BRF1: variants seen among roughly 807,000 people sequenced by gnomAD.
BRF1 encodes BRF1 general transcription factor IIIB subunit, also known as transcription factor IIIB 90 kDa subunit.
In BRF1, 59 loss-of-function variants were observed where a neutral mutation model predicts 81.7. The ratio of observed to expected loss-of-function variants is 0.72; its 90% confidence interval spans 0.59 to 0.90. The LOEUF is 0.90. Among genes scored for constraint, BRF1 ranks in the 40% least tolerant of loss-of-function variants. The pLI is 0.00. For synonymous variants in BRF1, 491 were observed against 395.6 expected (o/e 1.24, Z -2.86); for missense variants, 1,050 against 936.3 (o/e 1.12, Z -1.58).
At chr14:105,304,885 C>T (rs2058141195), upstream of BRF1, among the ~76,000 whole-genome samples, 1 of 152,322 alleles carries the variant, frequency 6.6e-6, no homozygotes, top group South Asian at 2.1e-4. Flanking sequence ...ACGGGAAAGA[C>T]CTGCCCCCAT....
Position 105,226,644 on chromosome 14 carries a change from C to T in BRF1, c.905G>A (p.Arg302Gln), listed in dbSNP as rs145340613. The T allele has an allele frequency of 6.8e-6, 11 of 1,613,126 alleles. No individual in the cohort carries two copies. The highest frequency in any genetic ancestry group is 5.0e-5 in the Admixed American group (3 of 59,998). ...CAAAGCCGGCGCTACCTGCTTCATC[C>T]GCAGCTTCCTCTGCCCAGCTGTGTA... ...PSYTAGQRKLRMKQLEQVLSK... is the reference protein window; with the variant it reads ...PSYTAGQRKLQMKQLEQVLSK... Residue 302 changes from arginine to glutamine, a missense_variant, in exon 8 of 18, where the codon CGG becomes CAG. Around this residue, in one of 2 missense-constraint regions of BRF1, gnomAD observed 1,043 missense variants for 915.4 expected, o/e 1.14. Coordinates refer to ENST00000547530, the MANE Select transcript of BRF1 (RefSeq NM_001519.4).
chr14:105,291,992 C>T (rs987296089), intron 1 of BRF1, among the ~76,000 whole-genome samples: 4 of 151,950 alleles, frequency 2.6e-5, no homozygotes, highest in Admixed American at 6.6e-5. Flanking sequence ...GAGAGACACT[C>T]CATCTCAAAA....
At chr14:105,211,327 C>G in intron 16 of BRF1, 34 bp from the exon 17 acceptor site, 1 of 1,540,322 alleles carries the variant, frequency 6.5e-7, no homozygotes, top group Non-Finnish European at 8.7e-7. Flanking sequence ...ACACACAGAG[C>G]TGGGAGCCCT....
At chr14:105,211,065 C>T (rs1595224039) in intron 17 of BRF1, 57 bp downstream of exon 17, 1 of 1,594,418 alleles carries the variant, frequency 6.3e-7, no homozygotes, top group Non-Finnish European at 8.5e-7. Context: ...TCATGAGGGG[C>T]AGTAGCTGAT....
intron 5 of BRF1, chr14:105,252,290 C>A (rs1373986445): frequency 1.2e-6 from 1 of 827,418 alleles, no homozygotes; most frequent in Non-Finnish European, 1.5e-6. Context: ...CAGTGAGCTA[C>A]GATTGTGCCA....
rs912176791 is a variant in BRF1, at chr14:105,209,913, G to C, written c.*638C>G. ...TCCAGGCGGTGCAGGCAGCGGGGAG[G>C]GGGGTCTGGAGGAGGCAGGGGTGGG... is the stretch of plus-strand genomic sequence containing the variant. On this transcript the variant is annotated 3_prime_UTR_variant, in exon 18 of 18. Coordinates refer to ENST00000547530, the MANE Select transcript of BRF1 (RefSeq NM_001519.4). 2 of 394,974 alleles carry C rather than the reference G, an allele frequency of 5.1e-6. No homozygotes were observed. Among genetic ancestry groups the C allele is most frequent in the Non-Finnish European group, 9.0e-6 (2 of 222,996 alleles). The allele number at this position is 394,974 out of a possible 1,614,324, so 24.5% of individuals were successfully genotyped here.
intron 16 of BRF1, 38 bp downstream of exon 16, chr14:105,212,075 C>T: frequency 5.6e-6 from 9 of 1,607,684 alleles, no homozygotes; most frequent in African/African-American, 1.3e-5. Context: ...GGGCTGCCTC[C>T]CAAGGTCTCC....
rs587775140 is a variant in BRF1 at position 105,240,941 on chromosome 14, C to T, written c.694+324G>A. On this transcript the variant is annotated intron_variant, in intron 6 of 17. Transcript: ENST00000547530. ...CAGGAGAGAGAGGCCACACCACTGT[C>T]CGCGTCAGAAGCCGGGCCCCACGAG... Among the ~76,000 whole-genome samples, 123 of 152,314 alleles carry T rather than the reference C, an allele frequency of 8.1e-4. 1 individual carries two copies. Among genetic ancestry groups the T allele is most frequent in the African/African-American group, 2.8e-3 (117 of 41,562 alleles).
At chr14:105,227,855 CCA>C (rs1354179353) in intron 7 of BRF1, 1 of 152,208 alleles carries the variant, frequency 6.6e-6, no homozygotes, top group Non-Finnish European at 1.5e-5. Flanking sequence ...TTGGAAAATG[CCA>C]CAGGACACAA....
intron 4 of BRF1, among the ~76,000 whole-genome samples, chr14:105,253,036 C>A (rs1034892629): frequency 2.6e-5 from 4 of 152,230 alleles, no homozygotes; most frequent in Non-Finnish European, 4.4e-5. Context: ...ACTCCCCTGC[C>A]CCCCACACTG....
intron 1 of BRF1, among the ~76,000 whole-genome samples, chr14:105,290,137 C>T (rs1480287782): frequency 6.6e-6 from 1 of 152,084 alleles, no homozygotes; most frequent in Non-Finnish European, 1.5e-5. Flanking sequence ...TATAAAAAGC[C>T]AGCTGGGTGC....
At position 105,228,877 on chromosome 14, in the gene BRF1, C is replaced by A; in HGVS notation, c.731G>T (p.Arg244Met). 1.2e-6 allele frequency: 2 copies of A among 1,613,866 alleles called. No homozygotes were observed. The highest frequency in any genetic ancestry group is 1.7e-6 in the Non-Finnish European group (2 of 1,180,024). The change falls in exon 7 of 18, where the codon AGG (arginine) becomes ATG (methionine). Residue 244 changes from arginine (R) to methionine (M), a missense_variant. Coordinates refer to ENST00000547530, the MANE Select transcript of BRF1 (RefSeq NM_001519.4). ...CACACTGATGACCTCCTTCACAGTC[C>A]TCCTGAAGTCATGCATTCTGGCTGC... Reference protein sequence around the residue: ...LVAARMHDFRRTVKEVISVVK... With the variant: ...LVAARMHDFRMTVKEVISVVK...
intron 14 of BRF1, among the ~76,000 whole-genome samples, chr14:105,218,455 T>A (rs1389791988): frequency 6.6e-6 from 1 of 152,136 alleles, no homozygotes; most frequent in East Asian, 1.9e-4. Context: ...ACATCTGCCA[T>A]CCCAGCCACC....
chr14:105,225,144 G>C (rs2141541081), intron 10 of BRF1, among the ~76,000 whole-genome samples: 1 of 152,254 alleles, frequency 6.6e-6, no homozygotes, highest in Middle Eastern at 3.4e-3. Context: ...TACTTCCAGA[G>C]TTCGACCAGG....
intron 5 of BRF1, chr14:105,247,130 T>C: frequency 1.0e-6 from 1 of 985,474 alleles, no homozygotes; most frequent in Non-Finnish European, 1.2e-6. Context: ...CCAGCGTGTC[T>C]TTGCCAGTGG....
intron 8 of BRF1, 50 bp downstream of exon 8, chr14:105,226,584 C>T: frequency 6.2e-7 from 1 of 1,608,086 alleles, no homozygotes; most frequent in Non-Finnish European, 8.5e-7. Flanking sequence ...GTGTGGCTTC[C>T]CCCCAAGGCT....
intron 10 of BRF1, among the ~76,000 whole-genome samples, 176 bp downstream of exon 10, chr14:105,225,893 G>A (rs1464310905): frequency 1.3e-5 from 2 of 152,200 alleles, no homozygotes; most frequent in Non-Finnish European, 2.9e-5. Flanking sequence ...TGATCCGCCT[G>A]CCTCAGCCTC....
chr14:105,285,659 C>T (rs1424429478), intron 2 of BRF1, among the ~76,000 whole-genome samples: 5 of 152,148 alleles, frequency 3.3e-5, no homozygotes, highest in Non-Finnish European at 7.3e-5. Flanking sequence ...AATAGGTAAA[C>T]TGGATACTAT....
At chr14:105,308,054 C>T (rs1449116086) in intron 1 of BRF1, among the ~76,000 whole-genome samples, 2 of 151,724 alleles carry the variant, frequency 1.3e-5, no homozygotes, top group Admixed American at 6.6e-5. Context: ...CGTGGTGGTG[C>T]GTGCCTCTAG....
Sources: gnomAD v4.1 joint callset for allele counts (sites outside exome capture counted in the v4.1 genomes callset) on GRCh38, gnomAD v4.1.1 for gene constraint, gnomAD v4.1.1 regional missense constraint, MANE v1.5 for transcripts, NCBI Gene and HGNC (gene_info 2026-07-23, HGNC 2026-07-21) for gene names.